The following C4orf36 variants were observed in gnomAD, a reference collection of about 807,000 sequenced individuals.
The protein encoded by C4orf36 is uncharacterized protein C4orf36.
Under a neutral mutation model 12.2 loss-of-function variants are expected in C4orf36, and 11 were observed. The ratio of observed to expected loss-of-function variants is 0.90; its 90% CI spans 0.57 to 1.49. The LOEUF (loss-of-function observed/expected upper bound fraction) is 1.49. Among genes scored for constraint, C4orf36 ranks in the 40% most tolerant of loss-of-function variants. The pLI, the probability that C4orf36 is intolerant of heterozygous loss-of-function variation, is 0.00. For missense variants in C4orf36, 137 were observed against 133.9 expected (o/e 1.02, Z -0.11); for synonymous variants, 54 against 51.3 (o/e 1.05, Z -0.22).
intron 4 of C4orf36, 26 bp from the exon 5 acceptor site, chr4:86,876,469 A>G (rs1746931689): frequency 1.9e-6 from 3 of 1,613,554 alleles, no homozygotes; most frequent in African/African-American, 2.7e-5. Context: ...GGGGAAAATA[A>G]GATTTTATTT....
chr4:86,912,955 C>A, the C4orf36 span, among the ~76,000 whole-genome samples: 3 of 149,612 alleles, frequency 2.0e-5, no homozygotes, highest in Non-Finnish European at 3.0e-5. Flanking sequence ...TTTAATTTTC[C>A]ACTGGGCAAT....
the C4orf36 span, among the ~76,000 whole-genome samples, chr4:86,908,168 T>TACAC: frequency 4.1e-3 from 574 of 140,942 alleles, 2 homozygotes; most frequent in East Asian, 0.012. Context: ...ACTTTCAACA[T>TACAC]ACACACACAC....
chr4:86,902,033 A>G, the C4orf36 span, among the ~76,000 whole-genome samples: 1 of 152,200 alleles, frequency 6.6e-6, no homozygotes, highest in African/African-American at 2.4e-5. Context: ...ATACACAGAA[A>G]GAACACCATG....
At chr4:86,911,837 C>A in the C4orf36 span, among the ~76,000 whole-genome samples, 1 of 151,730 alleles carries the variant, frequency 6.6e-6, no homozygotes, top group Admixed American at 6.6e-5. Context: ...CAGGCATGCA[C>A]TATCATGCCT....
intron 1 of C4orf36, 63 bp from the exon 2 acceptor site, chr4:86,891,656 A>G: frequency 5.0e-6 from 7 of 1,397,662 alleles, no homozygotes; most frequent in Non-Finnish European, 6.7e-6. Flanking sequence ...GCCAAATAAT[A>G]GAAAAAAATT....
chr4:86,904,571 A>C, the C4orf36 span, among the ~76,000 whole-genome samples: 2 of 113,054 alleles, frequency 1.8e-5, no homozygotes, highest in Non-Finnish European at 3.6e-5. Flanking sequence ...ACAGAGCAAG[A>C]CTCTGTCTCA....
chr4:86,903,960 C>T, the C4orf36 span, among the ~76,000 whole-genome samples: 1 of 152,122 alleles, frequency 6.6e-6, no homozygotes, highest in African/African-American at 2.4e-5. Context: ...AGACACAGAG[C>T]GCTGATTGGT....
the C4orf36 span, among the ~76,000 whole-genome samples, chr4:86,909,750 C>T: frequency 2.0e-5 from 3 of 152,088 alleles, no homozygotes; most frequent in South Asian, 6.2e-4. Flanking sequence ...GTGCCAGATT[C>T]TCTGCAAGAC....
the C4orf36 span, among the ~76,000 whole-genome samples, chr4:86,923,633 G>A: frequency 6.6e-6 from 1 of 151,768 alleles, no homozygotes; most frequent in African/African-American, 2.4e-5. Flanking sequence ...GTGGTGGCAG[G>A]CACCTGTAAT....
intron 2 of C4orf36, 123 bp downstream of exon 2, chr4:86,891,333 A>G (rs1747405055): frequency 2.4e-6 from 2 of 835,418 alleles, no homozygotes; most frequent in Non-Finnish European, 3.6e-6. Context: ...AGACACCTCA[A>G]AATACTTCAC....
the C4orf36 span, among the ~76,000 whole-genome samples, chr4:86,911,264 T>C: frequency 1.4e-4 from 21 of 152,280 alleles, no homozygotes; most frequent in African/African-American, 5.1e-4. Flanking sequence ...CTGGCTCTTT[T>C]TTGAACAGTG....
Position 86,887,776 on chromosome 4 carries a change from G to A in C4orf36, c.338C>T (p.Pro113Leu), listed in dbSNP as rs762808044. Residue 113 changes from proline to leucine, a missense_variant, in exon 4 of 5, where the codon CCT becomes CTT. Physicochemically the swap from Pro to Leu is moderately conservative, Grantham distance 98. Coordinates refer to ENST00000295898, the MANE Select transcript of C4orf36 (RefSeq NM_144645.4). ...LRERPAGLRR[P>L]LPSK ...AACTGACTGTCATTTAGATGGAAGA[G>A]GTCTTCTCAAACCGGCTGGCCTTTC... 3 of 1,614,206 alleles carry A rather than the reference G, an allele frequency of 1.9e-6. No individual in the cohort carries two copies. Among genetic ancestry groups the A allele is most frequent in the Non-Finnish European group, 2.5e-6 (3 of 1,180,040 alleles).
the C4orf36 span, among the ~76,000 whole-genome samples, chr4:86,934,316 A>C: frequency 6.6e-6 from 1 of 152,180 alleles, no homozygotes; most frequent in East Asian, 1.9e-4. Flanking sequence ...GCAGCGACTT[A>C]ACTAGACATA....
Position 86,888,211 on chromosome 4 carries a change from A to G in C4orf36, c.130T>C (p.Leu44=), listed in dbSNP as rs2149422112. Residue 44 remains leucine, a synonymous_variant, in exon 3 of 5, where the codon TTG becomes CTG. Transcript: ENST00000295898. ...TWSTNLANIK[L]PFLEEISFGG... ...AATGAAATTTCTTCCAAGAAAGGCA[A>G]CTTGATATTGGCTAGGTTTGTGGAC... 6.2e-7 allele frequency: 1 copy of G among 1,614,178 alleles called. No individual in the cohort carries two copies. Among genetic ancestry groups the G allele is most frequent in the South Asian group, 1.1e-5 (1 of 91,084 alleles).
chr4:86,903,509 A>G, the C4orf36 span, among the ~76,000 whole-genome samples: 1 of 152,198 alleles, frequency 6.6e-6, no homozygotes, highest in African/African-American at 2.4e-5. Flanking sequence ...TCCTTCCAGT[A>G]GGTTCGTGGT....
the C4orf36 span, among the ~76,000 whole-genome samples, chr4:86,921,791 C>T: frequency 3.9e-5 from 6 of 152,216 alleles, no homozygotes; most frequent in South Asian, 1.2e-3. Context: ...CATTTTCATC[C>T]TCCCAAACTG....
upstream of C4orf36, chr4:86,892,500 G>A: frequency 3.1e-6 from 3 of 978,530 alleles, no homozygotes; most frequent in Non-Finnish European, 3.6e-6. Context: ...GGGGACGCCG[G>A]GCCCGGGAGA....
the C4orf36 span, among the ~76,000 whole-genome samples, chr4:86,897,763 T>C: frequency 6.6e-6 from 1 of 150,712 alleles, no homozygotes; most frequent in African/African-American, 2.4e-5. Context: ...AGATATAGCA[T>C]GTGATTTACA....
rs769767369 is a variant in C4orf36, at chr4:86,888,268, G to A, written c.73C>T (p.Pro25Ser). The A allele has an allele frequency of 4.3e-6, 7 of 1,612,864 alleles. No individual in the cohort carries two copies. The highest frequency in any genetic ancestry group is 2.7e-5 in the African/African-American group (2 of 74,898). ...LRGSCYNVQEPWDIALLAKTW... is the reference protein window; with the variant it reads ...LRGSCYNVQESWDIALLAKTW... ...TTTGCAAGCAATGCAATATCCCAAG[G>A]TTCCTGTCTGGGGCAAAAATTCATT... The change falls in exon 3 of 5, where the codon CCT becomes TCT. Residue 25 changes from proline to serine, a missense_variant. Pro to Ser is a moderately conservative substitution (Grantham distance 74, BLOSUM62 -1). Coordinates refer to ENST00000295898, the MANE Select transcript of C4orf36 (RefSeq NM_144645.4).
Sources: allele counts gnomAD v4.1 joint callset (sites outside exome capture counted in the v4.1 genomes callset), GRCh38; gene constraint gnomAD v4.1.1; transcripts MANE v1.5; gene names NCBI Gene and HGNC (gene_info 2026-07-23, HGNC 2026-07-21).